The following GARNL3 variants were observed in gnomAD, a reference collection of about 807,000 sequenced individuals.
GARNL3 encodes the protein GTPase activating Rap/RanGAP domain like 3, also known as GTPase-activating Rap/Ran-GAP domain-like protein 3.
GARNL3 carries 63 observed loss-of-function variants against 125.0 expected under a neutral mutation model. That is an observed-to-expected ratio of 0.50 (90% confidence interval 0.41 to 0.62). The LOEUF (loss-of-function observed/expected upper bound fraction) is 0.62, where lower values mean the gene tolerates loss of function less well. Ranked by LOEUF, GARNL3 falls within the 20% of genes least tolerant of loss-of-function variation. The probability of loss-of-function intolerance (pLI) is 0.00; values close to 1 mark genes in which losing one functional copy is unlikely to be tolerated. For missense variants in GARNL3, 994 were observed against 1,244.0 expected (o/e 0.80, Z 3.02); for synonymous variants, 439 against 457.5 (o/e 0.96, Z 0.52).
intron 20 of GARNL3, 96 bp from the exon 21 acceptor site, chr9:127,357,123 G>A (rs1184223375): frequency 4.0e-6 from 5 of 1,245,532 alleles, no homozygotes; most frequent in South Asian, 2.7e-5. Context: ...TGGAGAGGGT[G>A]CCTTCTCTGT....
At position 127,364,353 on chromosome 9, in the gene GARNL3, G is replaced by A. The variant is rs1831169696; in HGVS notation, c.2095-947G>A. ...GAGGCAGAAGATGTCACCCATCAGA[G>A]GCTGCAGAGGGCAGGATGGATAGAT... On this transcript the variant is annotated intron_variant, in intron 21 of 27. Coordinates refer to ENST00000373387, the MANE Select transcript of GARNL3 (RefSeq NM_032293.5). The surrounding 1 kb of genome is among the most constrained non-coding windows in gnomAD (Gnocchi z 4.2). The A allele has an allele frequency of 6.6e-6, 1 of 152,484 alleles. No individual in the cohort carries two copies. The highest frequency in any genetic ancestry group is 1.5e-5 in the Non-Finnish European group (1 of 68,226). 9.4% of individuals were successfully genotyped at this position (152,484 alleles called of 1,614,324 possible). A position where few individuals can be genotyped will look rare whatever the true frequency, so the allele number is the denominator to read the frequency against.
At chr9:127,344,766 A>G (rs1830049414) in intron 15 of GARNL3, among the ~76,000 whole-genome samples, 1 of 152,164 alleles carries the variant, frequency 6.6e-6, no homozygotes, top group Non-Finnish European at 1.5e-5. Context: ...TATGACTTGG[A>G]AACAATCCAA....
intron 1 of GARNL3, among the ~76,000 whole-genome samples, chr9:127,284,276 T>C (rs1052325860): frequency 6.6e-6 from 1 of 152,246 alleles, no homozygotes; most frequent in African/African-American, 2.4e-5. Flanking sequence ...GCCATTTCAT[T>C]GAACTTTTTG....
At chr9:127,381,147 G>A (rs1359194484) in intron 22 of GARNL3, among the ~76,000 whole-genome samples, 1 of 152,136 alleles carries the variant, frequency 6.6e-6, no homozygotes, top group South Asian at 2.1e-4. Flanking sequence ...AAAAGTGCTG[G>A]GATTACAGGC....
chr9:127,275,697 A>G (rs1015926106), intron 1 of GARNL3, among the ~76,000 whole-genome samples: 1 of 152,212 alleles, frequency 6.6e-6, no homozygotes, highest in Non-Finnish European at 1.5e-5. Context: ...TGATTGGCTT[A>G]CCATAAATGG....
At chr9:127,320,625 C>G (rs2065370245) in intron 5 of GARNL3, 90 bp from the exon 6 acceptor site, 2 of 818,898 alleles carry the variant, frequency 2.4e-6, no homozygotes, top group Non-Finnish European at 4.1e-6. Context: ...TTCTGAGTGT[C>G]AGGCCCTTTA....
At position 127,291,215 on chromosome 9, in the gene GARNL3, C is replaced by G; in HGVS notation, c.192C>G (p.Phe64Leu). Residue 64 changes from phenylalanine to leucine, a missense_variant, in exon 2 of 28, where the codon TTC becomes TTG. Physicochemically the swap from Phe to Leu is conservative, Grantham distance 22 (BLOSUM62 0). Transcript: ENST00000373387. The stretch of plus-strand genomic sequence containing the variant: ...GAGCCATCCAAAGGGCTGGAAGATT[C>G]AGAGTGGAAAATGGCTCTTCAGATG... ...ADGAIQRAGRFRVENGSSDEN... is the reference protein window; with the variant it reads ...ADGAIQRAGRLRVENGSSDEN... The G allele has an allele frequency of 6.2e-7, 1 of 1,614,102 alleles. No individual in the cohort carries two copies. Among genetic ancestry groups the G allele is most frequent in the Non-Finnish European group, 8.5e-7 (1 of 1,179,994 alleles).
At chr9:127,299,307 CAAAAAAAA>C (rs774997294) in intron 2 of GARNL3, among the ~76,000 whole-genome samples, 9 of 22,570 alleles carry the variant, frequency 4.0e-4, no homozygotes, top group Non-Finnish European at 6.4e-4. Context: ...GACTCCGTCT[CAAAAAAAA>C]AAAAAAAAAA....
chr9:127,332,938 A>G, intron 8 of GARNL3, 85 bp from the exon 9 acceptor site: 1 of 924,824 alleles, frequency 1.1e-6, no homozygotes, highest in East Asian at 2.4e-5. Context: ...GAGCCCAGTT[A>G]ATTTTCCAGC....
chr9:127,289,592 T>C (rs1006973125), intron 1 of GARNL3, among the ~76,000 whole-genome samples: 11 of 152,228 alleles, frequency 7.2e-5, no homozygotes, highest in African/African-American at 2.7e-4. Context: ...CCCATAGATG[T>C]GGTTGACCAC....
chr9:127,300,121 C>T, intron 2 of GARNL3: 3 of 328,810 alleles, frequency 9.1e-6, no homozygotes, highest in Non-Finnish European at 1.8e-5. Flanking sequence ...ATCTTCAGTG[C>T]TGTCATCATT....
At position 127,360,324 on chromosome 9, in the gene GARNL3, GA is replaced by G. The variant is rs1011242087; in HGVS notation, c.2094+2955del. ...GGTGTGAGCCACCGCACCCGGCCAAGAAAAAAAAGTTTTTAAGGAAAAAAAA... is the reference window on the plus strand; with the variant it reads ...GGTGTGAGCCACCGCACCCGGCCAAGAAAAAAAGTTTTTAAGGAAAAAAAA... On this transcript the variant is annotated intron_variant, in intron 21 of 27. Transcript: ENST00000373387. 2.6e-5 allele frequency among the ~76,000 whole-genome samples: 4 copies of G among 151,568 alleles called. No individual in the cohort carries two copies. In the South Asian group the frequency reaches 6.3e-4, roughly 24 times the overall value.
At chr9:127,236,655 G>A (rs2063118280) in intron 1 of GARNL3, among the ~76,000 whole-genome samples, 1 of 152,108 alleles carries the variant, frequency 6.6e-6, no homozygotes, top group Non-Finnish European at 1.5e-5. Context: ...TTGAACTCCT[G>A]GCCTCAGTTC....
intron 22 of GARNL3, among the ~76,000 whole-genome samples, chr9:127,373,149 A>G (rs1831698146): frequency 6.6e-6 from 1 of 152,212 alleles, no homozygotes; most frequent in African/African-American, 2.4e-5. Context: ...GAAAGGGAAA[A>G]CAAATACTCA....
chr9:127,233,517 C>T (rs1364339969), intron 1 of GARNL3, among the ~76,000 whole-genome samples: 2 of 152,116 alleles, frequency 1.3e-5, no homozygotes, highest in East Asian at 3.8e-4. Context: ...AGATGCCACC[C>T]AGGGTCACAG....
chr9:127,269,371 A>G (rs564794851), intron 1 of GARNL3, among the ~76,000 whole-genome samples: 102 of 152,354 alleles, frequency 6.7e-4, no homozygotes, highest in African/African-American at 2.3e-3. Context: ...TAATGCTGCT[A>G]TGAACACTGG....
In GARNL3 at chr9:127,237,106, C is replaced by T. The variant is rs554575258; in HGVS notation, c.-28-5973C>T. 2.0e-5 allele frequency among the ~76,000 whole-genome samples: 3 copies of T among 152,302 alleles called. No individual in the cohort carries two copies. The South Asian group carries it at 6.2e-4, about 32-fold the overall frequency. On this transcript the variant is annotated intron_variant, in intron 1 of 10. Coordinates refer to the GARNL3 transcript ENST00000439286. ...AAGTTTGTTGGAAGGGCTGGAGAGCCGACTGCTGTCTGAGCTCCCAGGACC... is the reference window on the plus strand; with the variant it reads ...AAGTTTGTTGGAAGGGCTGGAGAGCTGACTGCTGTCTGAGCTCCCAGGACC...
chr9:127,248,483 G>T (rs922619725), intron 2 of GARNL3, among the ~76,000 whole-genome samples: 2 of 152,064 alleles, frequency 1.3e-5, no homozygotes, highest in Non-Finnish European at 2.9e-5. Flanking sequence ...TTGCCCCAGG[G>T]TGTAAACTTG....
At chr9:127,225,059 T>G (rs1361478567) in intron 1 of GARNL3, among the ~76,000 whole-genome samples, 4 of 62,850 alleles carry the variant, frequency 6.4e-5, no homozygotes, top group African/African-American at 6.4e-5. Flanking sequence ...CCAGGGTGAG[T>G]GATCGCGGGG....
Sources: allele counts gnomAD v4.1 joint callset (sites outside exome capture counted in the v4.1 genomes callset), GRCh38; gene constraint gnomAD v4.1.1; non-coding constraint Gnocchi (gnomAD v3.1); transcripts MANE v1.5; gene names NCBI Gene and HGNC (gene_info 2026-07-23, HGNC 2026-07-21).